Variants in PTDSS2 observed in about 807,000 individuals in gnomAD.
PTDSS2 encodes phosphatidylserine synthase 2.
In PTDSS2, 41 loss-of-function variants were observed where a neutral mutation model predicts 64.7. The observed-to-expected ratio is 0.63, with a 90% CI of 0.49 to 0.82. PTDSS2 has a LOEUF of 0.82. PTDSS2 is among the 40% of genes least tolerant of loss of function. The pLI is 0.00. For missense variants in PTDSS2, 485 were observed against 650.0 expected (o/e 0.75, Z 2.76); for synonymous variants, 297 against 277.8 (o/e 1.07, Z -0.69).
chr11:477,628 C>T (rs538748996), intron 3 of PTDSS2, among the ~76,000 whole-genome samples: 1 of 152,162 alleles, frequency 6.6e-6, no homozygotes, highest in Non-Finnish European at 1.5e-5. Context: ...CTTGGCAGTG[C>T]GGGGAGGGAA....
chr11:488,936 T>C (rs1049929885), intron 8 of PTDSS2, among the ~76,000 whole-genome samples: 1 of 152,224 alleles, frequency 6.6e-6, no homozygotes, highest in East Asian at 1.9e-4. Flanking sequence ...CCTTGGTTGC[T>C]TTGGTTATGA....
chr11:489,298 C>T, intron 8 of PTDSS2, 102 bp from the exon 9 acceptor site: 3 of 963,016 alleles, frequency 3.1e-6, no homozygotes, highest in Non-Finnish European at 4.8e-6. Flanking sequence ...CGTCCGATGG[C>T]ACAGGGCGGG....
chr11:466,698 C>T (rs1012578614), intron 2 of PTDSS2, among the ~76,000 whole-genome samples: 7 of 152,064 alleles, frequency 4.6e-5, no homozygotes, highest in Non-Finnish European at 7.4e-5. Context: ...TGTGAGCCAC[C>T]GCGCACGGCC....
rs748494041 is a variant in PTDSS2, at chr11:490,552, C to T, written c.1434C>T (p.Ala478=). 17 of 1,607,230 alleles carry T rather than the reference C, an allele frequency of 1.1e-5. No individual in the cohort carries two copies. Among genetic ancestry groups the T allele is most frequent in the South Asian group, 7.7e-5 (7 of 90,340 alleles). Residue 478 remains alanine (A), a synonymous_variant, in exon 12 of 12, where the codon GCC becomes GCT. Coordinates refer to ENST00000308020, the MANE Select transcript of PTDSS2 (RefSeq NM_030783.3). ...AAGACCTGCTGGGGCCTGGGGTGGC[C>T]GAGGGCGAGGGAGCACCAACTCCAA... ...LDEDLLGPGV[A]EGEGAPTPN is the part of the protein sequence containing the mutation.
chr11:490,106 C>T (rs1278008972), intron 11 of PTDSS2, 38 bp downstream of exon 11: 1 of 1,564,898 alleles, frequency 6.4e-7, no homozygotes, highest in African/African-American at 1.3e-5. Context: ...TGAAGGAGGG[C>T]CGCTGTCCGG....
rs1848443378 is a variant in PTDSS2, at chr11:487,408, T to C, written c.571-12T>C. The C allele has an allele frequency of 6.2e-7, 1 of 1,613,750 alleles. No homozygotes were observed. Among genetic ancestry groups the C allele is most frequent in the African/African-American group, 1.3e-5 (1 of 75,054 alleles). ...TGCCCCAGGGTCAAGGGTCATACCC[T>C]GTCGCCCACAGGACAAGTTGGATGG... is the stretch of plus-strand genomic sequence containing the variant. On this transcript the variant is annotated splice_polypyrimidine_tract_variant and intron_variant, in intron 5 of 11. Coordinates refer to ENST00000308020, the MANE Select transcript of PTDSS2 (RefSeq NM_030783.3).
Position 489,962 on chromosome 11 carries a change from T to C in PTDSS2, c.1195T>C (p.Tyr399His). ...CACGGAGCTGCTCATCGTGGTGAAG[T>C]ACGACCCCCACACGCTCACCCTGTC... Reference protein sequence around the residue: ...TATELLIVVKYDPHTLTLSLP... With the variant: ...TATELLIVVKHDPHTLTLSLP... The change falls in exon 11 of 12, where the codon TAC (tyrosine) becomes CAC (histidine). Residue 399 changes from tyrosine to histidine, a missense_variant. Tyr to His is a moderately conservative substitution (Grantham distance 83). Coordinates refer to ENST00000308020, the MANE Select transcript of PTDSS2 (RefSeq NM_030783.3). The C allele has an allele frequency of 6.2e-7, 1 of 1,611,734 alleles. No individual in the cohort carries two copies. Among genetic ancestry groups the C allele is most frequent in the Non-Finnish European group, 8.5e-7 (1 of 1,179,818 alleles).
chr11:473,902 G>T lies in PTDSS2; in HGVS notation c.292G>T (p.Val98Leu). ...DTAYNTKRGI[V>L]ASILVFLCFG... ...TTTGTTCTTTATTTGCAGAGGTATT[G>T]TGGCCAGTATTTTGGTTTTCTTATG... Residue 98 changes from valine to leucine, a missense_variant, in exon 3 of 12, where the codon GTG (valine) becomes TTG (leucine). Physicochemically the swap from Val to Leu is conservative, Grantham distance 32. This residue lies in a region of PTDSS2 where 251 missense variants were observed against 348.0 expected (regional missense o/e 0.72). Coordinates refer to ENST00000308020, the MANE Select transcript of PTDSS2 (RefSeq NM_030783.3). The T allele has an allele frequency of 6.2e-7, 1 of 1,613,212 alleles. No homozygotes were observed. Among genetic ancestry groups the T allele is most frequent in the Non-Finnish European group, 8.5e-7 (1 of 1,179,116 alleles).
intron 4 of PTDSS2, among the ~76,000 whole-genome samples, chr11:482,542 G>C (rs1384923769): frequency 1.3e-5 from 2 of 152,116 alleles, no homozygotes. Context: ...TCAAACTCCT[G>C]AGCTCAAGCG....
At chr11:458,484 C>T (rs1435787286) in intron 1 of PTDSS2, among the ~76,000 whole-genome samples, 7 of 147,688 alleles carry the variant, frequency 4.7e-5, no homozygotes, top group African/African-American at 1.3e-4. Context: ...GGATTATAGG[C>T]GTGAGCCACC....
In PTDSS2 at chr11:450,382, G is replaced by C; in HGVS notation, c.-74G>C. The C allele has an allele frequency of 2.5e-6, 3 of 1,182,396 alleles. No homozygotes were observed. The highest frequency in any genetic ancestry group is 3.2e-6 in the Non-Finnish European group (3 of 946,876). The allele number at this position is 1,182,396 out of a possible 1,614,324, so 73.2% of individuals were successfully genotyped here. ...CCCAGCGCTCCTCGCGCTGTGTGCGGCGCGTCCTCTCGCCGGTGACCCGGT... is the reference window on the plus strand; with the variant it reads ...CCCAGCGCTCCTCGCGCTGTGTGCGCCGCGTCCTCTCGCCGGTGACCCGGT... On this transcript the variant is annotated 5_prime_UTR_variant, in exon 1 of 12. Coordinates refer to ENST00000308020, the MANE Select transcript of PTDSS2 (RefSeq NM_030783.3).
At chr11:488,702 C>T (rs1387655051) in intron 8 of PTDSS2, 55 bp downstream of exon 8, 4 of 1,331,818 alleles carry the variant, frequency 3.0e-6, no homozygotes, top group Admixed American at 1.7e-5. Context: ...TGGAGGCAGC[C>T]TCAGCGTCCG....
At chr11:488,138 C>T in intron 6 of PTDSS2, 61 bp from the exon 7 acceptor site, 1 of 1,298,960 alleles carries the variant, frequency 7.7e-7, no homozygotes, top group South Asian at 1.2e-5. Context: ...GCTGCACGCA[C>T]CCGTGGGCAG....
chr11:486,510 C>T (rs7115664), intron 4 of PTDSS2, among the ~76,000 whole-genome samples: 1,831 of 152,272 alleles, frequency 0.012, 50 homozygotes, highest in African/African-American at 0.042. Context: ...TGAGACAGGG[C>T]GCTGCCCTCC....
At position 486,823 on chromosome 11, in the gene PTDSS2, G is replaced by C. The variant is rs887240822; in HGVS notation, c.436-116G>C. On this transcript the variant is annotated intron_variant, in intron 4 of 11. Transcript: ENST00000308020. The stretch of plus-strand genomic sequence containing the variant: ...AGTTCACGCCACTGCATTCCAGCCT[G>C]GGCGACAGAGCGAGACTCCATCTCA... The C allele has an allele frequency of 2.9e-6, 4 of 1,360,984 alleles. No individual in the cohort carries two copies. The African/African-American group carries it at 5.9e-5, about 20-fold the overall frequency. The allele number at this position is 1,360,984 out of a possible 1,614,324, so 84.3% of individuals were successfully genotyped here.
chr11:458,507 ATTTTTTT>A (rs3082636), intron 1 of PTDSS2, among the ~76,000 whole-genome samples: 1 of 93,906 alleles, frequency 1.1e-5, no homozygotes, highest in Non-Finnish European at 2.1e-5. Flanking sequence ...GCCTGGCCTG[ATTTTTTT>A]TTTTTTTTTT....
rs1846873131 is a variant in PTDSS2, at chr11:461,339, C to A, written c.284+1051C>A. On this transcript the variant is annotated intron_variant, in intron 2 of 11. Coordinates refer to ENST00000308020, the MANE Select transcript of PTDSS2 (RefSeq NM_030783.3). The surrounding 1 kb of genome is among the most constrained non-coding windows in gnomAD (Gnocchi z 4.2). ...AGCCCTGTGGGCTCTAGAACACAAG[C>A]ATGCCCAGTGCCCTGTCTGTAGGGG... Among the ~76,000 whole-genome samples the A allele has an allele frequency of 6.6e-6, 1 of 152,198 alleles. No homozygotes were observed. Among genetic ancestry groups the A allele is most frequent in the African/African-American group, 2.4e-5 (1 of 41,442 alleles).
rs1848417822 is a variant in PTDSS2, at chr11:486,869, A to C, written c.436-70A>C. 3 of 1,523,164 alleles carry C rather than the reference A, an allele frequency of 2.0e-6. No homozygotes were observed. The East Asian group carries it at 6.9e-5, about 35-fold the overall frequency. The allele number at this position is 1,523,164 out of a possible 1,614,324, so 94.4% of individuals were successfully genotyped here. A position where few individuals can be genotyped will look rare whatever the true frequency, so the allele number is the denominator to read the frequency against. On this transcript the variant is annotated intron_variant, in intron 4 of 11. Coordinates refer to ENST00000308020, the MANE Select transcript of PTDSS2 (RefSeq NM_030783.3). ...TCTCAAAAAAATAAAATAAATAAAC[A>C]ACCATGATCTCCCGTTTCAAGTTGC...
At chr11:451,171 G>T (rs985791443) in intron 1 of PTDSS2, among the ~76,000 whole-genome samples, 2 of 152,222 alleles carry the variant, frequency 1.3e-5, no homozygotes, top group Admixed American at 6.5e-5. Flanking sequence ...TGTAGTCGGT[G>T]TTCGTCGAAT....
Sources: gnomAD v4.1 joint callset for allele counts (sites outside exome capture counted in the v4.1 genomes callset) on GRCh38, gnomAD v4.1.1 for gene constraint, gnomAD v4.1.1 regional missense constraint, Gnocchi (gnomAD v3.1) non-coding constraint, MANE v1.5 for transcripts, NCBI Gene and HGNC (gene_info 2026-07-23, HGNC 2026-07-21) for gene names.